Variants in HDAC4 observed in about 807,000 individuals in gnomAD.
The protein encoded by HDAC4 is histone deacetylase A.
Under a neutral mutation model 135.1 loss-of-function variants are expected in HDAC4, and 16 were observed. That is an observed-to-expected ratio of 0.12 (90% CI 0.08 to 0.18). The LOEUF (loss-of-function observed/expected upper bound fraction) is 0.18. Among genes scored for constraint, HDAC4 ranks in the 10% least tolerant of loss-of-function variants. The pLI, the probability that HDAC4 is intolerant of heterozygous loss-of-function variation, is 1.00. For missense variants in HDAC4, 1,143 were observed against 1,511.8 expected (o/e 0.76, Z 4.05); for synonymous variants, 685 against 653.4 (o/e 1.05, Z -0.74).
intron 1 of HDAC4, among the ~76,000 whole-genome samples, chr2:239,388,663 C>T (rs1420564331): frequency 1.3e-5 from 2 of 152,178 alleles, no homozygotes; most frequent in African/African-American, 4.8e-5. Context: ...GGTTGGAGCC[C>T]CCACCCCGCC....
intron 3 of HDAC4, among the ~76,000 whole-genome samples, chr2:239,225,743 A>AC (rs11456343): frequency 0.89 from 136,231 of 152,234 alleles, 61,056 homozygotes; most frequent in East Asian, 0.98. Flanking sequence ...GTGGCCACGT[A>AC]CTGCTACCCA....
intron 1 of HDAC4, among the ~76,000 whole-genome samples, chr2:239,391,113 T>C (rs1200874564): frequency 3.3e-5 from 5 of 152,064 alleles, no homozygotes; most frequent in Non-Finnish European, 7.4e-5. Context: ...CAAGGCGCAA[T>C]CTGGACATGC....
chr2:239,375,828 G>A (rs758072197), intron 1 of HDAC4, among the ~76,000 whole-genome samples: 2 of 152,316 alleles, frequency 1.3e-5, no homozygotes, highest in African/African-American at 2.4e-5. Flanking sequence ...GAGTGCCCCC[G>A]ACTGCAGGCA....
At chr2:239,211,763 C>T (rs952191086) in intron 3 of HDAC4, among the ~76,000 whole-genome samples, 1 of 152,190 alleles carries the variant, frequency 6.6e-6, no homozygotes, top group Non-Finnish European at 1.5e-5. Context: ...ATAACATATT[C>T]CCCAGAATCC....
chr2:239,063,004 C>G (rs950532555), intron 24 of HDAC4, among the ~76,000 whole-genome samples: 1 of 152,152 alleles, frequency 6.6e-6, no homozygotes, highest in African/African-American at 2.4e-5. Flanking sequence ...CTGACCCCGC[C>G]AAGGCCCTGA....
chr2:239,162,035 C>T (rs3828216), intron 6 of HDAC4: 241,672 of 436,158 alleles, frequency 0.55, 70,748 homozygotes, highest in South Asian at 0.76. Context: ...GACTCCTGGG[C>T]GAGGGGGCGC....
chr2:239,151,995 A>G (rs1310492727), intron 7 of HDAC4, among the ~76,000 whole-genome samples: 1 of 150,662 alleles, frequency 6.6e-6, no homozygotes, highest in Non-Finnish European at 1.5e-5. Context: ...ACAGTTAGTT[A>G]GTTGTTTTGG....
At chr2:239,296,147 G>A (rs1351021861) in intron 2 of HDAC4, among the ~76,000 whole-genome samples, 1 of 152,212 alleles carries the variant, frequency 6.6e-6, no homozygotes, top group Non-Finnish European at 1.5e-5. Flanking sequence ...TGCACAGGCT[G>A]ACCTGGAGCC....
At position 239,268,153 on chromosome 2, in the gene HDAC4, C is replaced by T. The variant is rs142539111; in HGVS notation, c.23-31489G>A. 4.6e-5 allele frequency among the ~76,000 whole-genome samples: 7 copies of T among 152,364 alleles called. No homozygotes were observed. The East Asian group carries it at 1.4e-3, about 29-fold the overall frequency. On this transcript the variant is annotated intron_variant, in intron 2 of 26. Transcript: ENST00000543185. ...AATTCATCCCATTCTCGCTGCTGAG[C>T]TTTCTCCTTAGGAAGTTGGAATGGG...
At chr2:239,382,037 T>C (rs1349863889) in intron 1 of HDAC4, among the ~76,000 whole-genome samples, 1 of 152,048 alleles carries the variant, frequency 6.6e-6, no homozygotes, top group Non-Finnish European at 1.5e-5. Context: ...ACAGATCACA[T>C]ACGGCTCCCT....
At chr2:239,152,452 G>A (rs1162584722) in intron 7 of HDAC4, among the ~76,000 whole-genome samples, 1 of 152,236 alleles carries the variant, frequency 6.6e-6, no homozygotes, top group African/African-American at 2.4e-5. Context: ...GGCGGGAGGT[G>A]AAGACCTCTG....
rs762303828 is a variant in HDAC4, at chr2:239,163,792, C to T, written c.611+11G>A. ...AGAGGAGGCCGGGGTGCTCCCCACA[C>T]CCACACTTACCCGTACCAGTAGCGA... On this transcript the variant is annotated intron_variant, in intron 6 of 26. Coordinates refer to ENST00000543185, the MANE Select transcript of HDAC4 (RefSeq NM_001378414.1). 5 of 1,613,960 alleles carry T rather than the reference C, an allele frequency of 3.1e-6. No individual in the cohort carries two copies. The highest frequency in any genetic ancestry group is 4.2e-6 in the Non-Finnish European group (5 of 1,180,006).
chr2:239,138,295 C>T lies in HDAC4; in HGVS notation c.978+1389G>A, dbSNP rs1470594391. ...GATTAAGCAGCCTGGAGACAAAGGGCAAAATTCGTTCTGAGCAGTAATTCT... is the reference window on the plus strand; with the variant it reads ...GATTAAGCAGCCTGGAGACAAAGGGTAAAATTCGTTCTGAGCAGTAATTCT... On this transcript the variant is annotated intron_variant, in intron 9 of 26. Transcript: ENST00000543185. Among the ~76,000 whole-genome samples the T allele has an allele frequency of 2.0e-5, 3 of 152,134 alleles. No homozygotes were observed. The East Asian group carries it at 5.8e-4, about 29-fold the overall frequency.
At chr2:239,094,971 A>G (rs747516417) in intron 17 of HDAC4, 39 bp downstream of exon 17, 1 of 1,613,646 alleles carries the variant, frequency 6.2e-7, no homozygotes, top group South Asian at 1.1e-5. Context: ...GGACTCGAGA[A>G]GAAACAGGAC....
chr2:239,267,358 T>TG (rs1022382851), intron 2 of HDAC4, among the ~76,000 whole-genome samples: 7 of 152,192 alleles, frequency 4.6e-5, no homozygotes, highest in African/African-American at 1.7e-4. Flanking sequence ...AGGAAGCCGA[T>TG]GGAGTCTGAA....
chr2:239,293,243 C>T (rs1559336602), intron 2 of HDAC4, among the ~76,000 whole-genome samples: 1 of 152,332 alleles, frequency 6.6e-6, no homozygotes, highest in East Asian at 1.9e-4. Context: ...TCGACAGATC[C>T]CAGCTGGCTT....
At chr2:239,086,407 C>T (rs1028935565) in intron 19 of HDAC4, among the ~76,000 whole-genome samples, 23 of 150,202 alleles carry the variant, frequency 1.5e-4, no homozygotes, top group Non-Finnish European at 3.4e-4. Context: ...CTATCTCTCA[C>T]GTACAGTCTC....
At chr2:239,149,673 A>G (rs1252289944) in intron 7 of HDAC4, among the ~76,000 whole-genome samples, 1 of 152,174 alleles carries the variant, frequency 6.6e-6, no homozygotes, top group Non-Finnish European at 1.5e-5. Flanking sequence ...GCTCCGGGGC[A>G]CCAGCCACCC....
chr2:239,233,713 C>T (rs575809999), intron 3 of HDAC4, among the ~76,000 whole-genome samples: 7 of 152,266 alleles, frequency 4.6e-5, no homozygotes, highest in East Asian at 1.9e-4. Context: ...GGCATTCACA[C>T]GAGGGAATGG....
Sources: gnomAD v4.1 joint callset for allele counts (sites outside exome capture counted in the v4.1 genomes callset) on GRCh38, gnomAD v4.1.1 for gene constraint, MANE v1.5 for transcripts, NCBI Gene and HGNC (gene_info 2026-07-23, HGNC 2026-07-21) for gene names.